Variants in HSD17B3 observed in about 807,000 individuals in gnomAD.
HSD17B3 encodes the protein 17-beta-hydroxysteroid dehydrogenase type 3.
HSD17B3 carries 29 observed loss-of-function variants against 41.1 expected under a neutral mutation model. The observed-to-expected ratio is 0.71, with a 90% CI of 0.53 to 0.96. The LOEUF (loss-of-function observed/expected upper bound fraction) is 0.96, where lower values mean the gene tolerates loss of function less well. Ranked by LOEUF, HSD17B3 falls within the 40% of genes least tolerant of loss-of-function variation. The pLI, the probability that HSD17B3 is intolerant of heterozygous loss-of-function variation, is 0.00. For synonymous variants in HSD17B3, 126 were observed against 145.6 expected (o/e 0.87, Z 0.97); for missense variants, 323 against 374.6 (o/e 0.86, Z 1.14).
chr9:96,244,677 G>T (rs1374233385), intron 8 of HSD17B3, among the ~76,000 whole-genome samples: 2 of 151,978 alleles, frequency 1.3e-5, no homozygotes, highest in South Asian at 2.1e-4. Flanking sequence ...AAAAAAACCG[G>T]TAAGTATGTG....
At position 96,244,356 on chromosome 9, in the gene HSD17B3, T is replaced by A. The variant is rs115063639; in HGVS notation, c.645A>T (p.Glu215Asp). Residue 215 changes from glutamate (E) to aspartate (D), a missense_variant, in exon 9 of 11, where the codon GAA (glutamate) becomes GAT (aspartate). Transcript: ENST00000375263. ...GGATGATGACTTCTTTTGCTTTATA[T>A]TCCTCTTGCAGGGCCTTGGAAAATG... is the stretch of plus-strand genomic sequence containing the variant. The part of the protein sequence containing the change: ...VCAFSKALQE[E>D]YKAKEVIIQV... The A allele has an allele frequency of 1.0e-4, 164 of 1,614,084 alleles. No individual in the cohort carries two copies. Among genetic ancestry groups the A allele is most frequent in the Non-Finnish European group, 1.3e-4 (155 of 1,180,026 alleles).
chr9:96,237,270 C>G (rs1409524181), intron 10 of HSD17B3, among the ~76,000 whole-genome samples: 1 of 152,218 alleles, frequency 6.6e-6, no homozygotes, highest in Admixed American at 6.5e-5. Context: ...CCATCTCCAT[C>G]TTTGTCTACC....
At chr9:96,299,587 C>T (rs1827495584) in intron 1 of HSD17B3, among the ~76,000 whole-genome samples, 1 of 152,188 alleles carries the variant, frequency 6.6e-6, no homozygotes, top group African/African-American at 2.4e-5. Flanking sequence ...TGCATCATCT[C>T]ATTTAATGTT....
chr9:96,265,449 C>T (rs1350860931), intron 2 of HSD17B3, among the ~76,000 whole-genome samples: 3 of 152,048 alleles, frequency 2.0e-5, no homozygotes, highest in African/African-American at 7.2e-5. Flanking sequence ...GTTGTTTGAT[C>T]CTTTGAGTTA....
chr9:96,282,149 C>A (rs1488237779), intron 2 of HSD17B3, among the ~76,000 whole-genome samples: 1 of 152,030 alleles, frequency 6.6e-6, no homozygotes, highest in Non-Finnish European at 1.5e-5. Flanking sequence ...GACCTTGTAA[C>A]CATATGGCCG....
At chr9:96,295,688 T>C (rs1440057880) in intron 2 of HSD17B3, among the ~76,000 whole-genome samples, 2 of 152,166 alleles carry the variant, frequency 1.3e-5, no homozygotes, top group Non-Finnish European at 2.9e-5. Flanking sequence ...TACGCCAAGT[T>C]TCTAGCAAGT....
intron 2 of HSD17B3, among the ~76,000 whole-genome samples, chr9:96,294,555 A>T (rs1295242382): frequency 6.6e-6 from 1 of 152,216 alleles, no homozygotes; most frequent in Non-Finnish European, 1.5e-5. Flanking sequence ...GGACCACAGG[A>T]AGGTCAGGTC....
intron 4 of HSD17B3, among the ~76,000 whole-genome samples, chr9:96,252,494 G>T (rs948823650): frequency 2.0e-5 from 3 of 147,272 alleles, no homozygotes; most frequent in African/African-American, 7.6e-5. Flanking sequence ...AGTGAGCCGG[G>T]ATCACACCAC....
intron 2 of HSD17B3, among the ~76,000 whole-genome samples, chr9:96,265,864 G>A (rs1398260700): frequency 2.0e-5 from 3 of 152,196 alleles, no homozygotes; most frequent in Non-Finnish European, 4.4e-5. Flanking sequence ...ATTGTTGGGT[G>A]AAACACACAA....
chr9:96,237,202 T>C (rs2130698328), intron 10 of HSD17B3, among the ~76,000 whole-genome samples: 1 of 152,238 alleles, frequency 6.6e-6, no homozygotes, highest in African/African-American at 2.4e-5. Flanking sequence ...ATAAAGAAAA[T>C]AAGCAAAATA....
In HSD17B3 at chr9:96,235,413, C is replaced by T. The variant is rs1192386453; in HGVS notation, c.*47G>A. On this transcript the variant is annotated 3_prime_UTR_variant, in exon 11 of 11. Coordinates refer to ENST00000375263, the MANE Select transcript of HSD17B3 (RefSeq NM_000197.2). ...TGCTCCTCTGGTCCTCTTCAGCCAG[C>T]ATGGGACTGGTGAGGAAAAGGTTGT... is the stretch of plus-strand genomic sequence containing the variant. The T allele has an allele frequency of 7.6e-7, 1 of 1,310,002 alleles. No individual in the cohort carries two copies. Among genetic ancestry groups the T allele is most frequent in the Non-Finnish European group, 1.1e-6 (1 of 913,706 alleles). The allele number at this position is 1,310,002 out of a possible 1,614,324, so 81.1% of individuals were successfully genotyped here.
intron 2 of HSD17B3, 91 bp from the exon 3 acceptor site, chr9:96,255,034 A>C (rs1339859337): frequency 1.9e-6 from 2 of 1,050,418 alleles, no homozygotes; most frequent in Admixed American, 3.8e-5. Flanking sequence ...GACTGTGCAC[A>C]TACTGGCAGG....
chr9:96,254,886 C>A lies in HSD17B3; in HGVS notation c.259G>T (p.Ala87Ser), dbSNP rs1158193512. ...LISRTLEKLE[A>S]IATEIERTTG... ...CACTCACCGATCTCTGTGGCAATGG[C>A]CTCTAGTTTTTCCAGCGTCCGGCTA... is the stretch of plus-strand genomic sequence containing the variant. Residue 87 changes from alanine (A) to serine (S), a missense_variant, in exon 3 of 11, where the codon GCC becomes TCC. By Grantham distance (99) the Ala-to-Ser change is moderately conservative. Coordinates refer to ENST00000375263, the MANE Select transcript of HSD17B3 (RefSeq NM_000197.2). 6.2e-7 allele frequency: 1 copy of A among 1,614,042 alleles called. No individual in the cohort carries two copies. Among genetic ancestry groups the A allele is most frequent in the South Asian group, 1.1e-5 (1 of 91,044 alleles).
At chr9:96,243,930 G>A (rs951692316) in intron 9 of HSD17B3, among the ~76,000 whole-genome samples, 2 of 152,124 alleles carry the variant, frequency 1.3e-5, no homozygotes, top group East Asian at 3.9e-4. Flanking sequence ...GTTTTGTTTT[G>A]TTTGCTTCTT....
At position 96,297,030 on chromosome 9, in the gene HSD17B3, CAAAAA is replaced by C. The variant is rs112810399; in HGVS notation, c.201+1381_201+1385del. Among the ~76,000 whole-genome samples, 902 of 119,024 alleles carry C rather than the reference CAAAAA, an allele frequency of 7.6e-3. 4 individuals carry two copies. The highest frequency in any genetic ancestry group is 0.026 in the Middle Eastern group (6 of 230). The allele number at this position is 119,024 out of a possible 152,430, so 78.1% of individuals were successfully genotyped here. ...AGCCTGGGCAACAGAGCAAGTGTCTCAAAAAAAAAAAAACCCACAGTTTTGACATA... is the reference window on the plus strand; with the variant it reads ...AGCCTGGGCAACAGAGCAAGTGTCTCAAAAAAAACCCACAGTTTTGACATA... On this transcript the variant is annotated intron_variant, in intron 2 of 10. Transcript: ENST00000375263.
intron 2 of HSD17B3, among the ~76,000 whole-genome samples, chr9:96,262,461 G>A (rs1368662045): frequency 6.6e-6 from 1 of 151,676 alleles, no homozygotes; most frequent in African/African-American, 2.4e-5. Context: ...GGCCAGGCTG[G>A]TCTTGAACTC....
At chr9:96,294,902 A>C (rs890327849) in intron 2 of HSD17B3, among the ~76,000 whole-genome samples, 4 of 152,054 alleles carry the variant, frequency 2.6e-5, no homozygotes, top group African/African-American at 7.2e-5. Context: ...GAATAAAAGC[A>C]AATAACTCCT....
intron 2 of HSD17B3, among the ~76,000 whole-genome samples, chr9:96,285,952 G>C (rs1161509286): frequency 6.6e-6 from 1 of 152,194 alleles, no homozygotes; most frequent in Non-Finnish European, 1.5e-5. Context: ...ATGAGGCTGA[G>C]ACTTACTTGG....
At chr9:96,273,421 C>A (rs1489433854) in intron 2 of HSD17B3, among the ~76,000 whole-genome samples, 2 of 152,220 alleles carry the variant, frequency 1.3e-5, no homozygotes, top group Admixed American at 6.5e-5. Flanking sequence ...GTCTGGCACA[C>A]CTTGGCTCCA....
Sources: allele counts gnomAD v4.1 joint callset (sites outside exome capture counted in the v4.1 genomes callset), GRCh38; gene constraint gnomAD v4.1.1; transcripts MANE v1.5; gene names NCBI Gene and HGNC (gene_info 2026-07-23, HGNC 2026-07-21).